Variants in LRRC7 observed in about 807,000 individuals in gnomAD.
The protein encoded by LRRC7 is leucine rich repeat containing 7.
In LRRC7, 23 loss-of-function variants were observed where a neutral mutation model predicts 175.7. The observed-to-expected ratio is 0.13, with a 90% CI of 0.09 to 0.19. LRRC7 has a LOEUF of 0.19. Ranked by LOEUF, LRRC7 falls within the 10% of genes least tolerant of loss-of-function variation. The pLI, the probability that LRRC7 is intolerant of heterozygous loss-of-function variation, is 1.00. For synonymous variants in LRRC7, 685 were observed against 680.9 expected (o/e 1.01, Z -0.09); for missense variants, 1,354 against 1,904.7 (o/e 0.71, Z 5.38).
intron 1 of LRRC7, among the ~76,000 whole-genome samples, chr1:69,569,874 T>C (rs1340314020): frequency 7.2e-6 from 1 of 138,408 alleles, no homozygotes. Context: ...GACTCCCACG[T>C]TCCTTTCGAA....
In LRRC7 at chr1:69,799,719, A is replaced by C. The variant is rs568492857; in HGVS notation, c.421+7559A>C. ...GTTGATTATTTATTTGACTGTACAGAGGCTTTTTAGTTTAATTGTCTCAAT... is the reference window on the plus strand; with the variant it reads ...GTTGATTATTTATTTGACTGTACAGCGGCTTTTTAGTTTAATTGTCTCAAT... On this transcript the variant is annotated intron_variant, in intron 4 of 26. Coordinates refer to ENST00000651989, the MANE Select transcript of LRRC7 (RefSeq NM_001370785.2). Among the ~76,000 whole-genome samples the C allele has an allele frequency of 3.3e-5, 5 of 152,146 alleles. No individual in the cohort carries two copies. In the South Asian group the frequency reaches 1.0e-3, roughly 32 times the overall value.
intron 1 of LRRC7, among the ~76,000 whole-genome samples, chr1:69,678,028 T>C (rs1274215456): frequency 2.0e-5 from 3 of 152,116 alleles, no homozygotes; most frequent in African/African-American, 7.2e-5. Context: ...TAACCTCCTC[T>C]AAAACTAATT....
rs551356696 is a variant in LRRC7, at chr1:69,651,604, A to G, written c.3-26777A>G. 2.0e-5 allele frequency among the ~76,000 whole-genome samples: 3 copies of G among 152,292 alleles called. No individual in the cohort carries two copies. The East Asian group carries it at 5.8e-4, about 29-fold the overall frequency. On this transcript the variant is annotated intron_variant, in intron 1 of 26. Transcript: ENST00000651989. ...TAAGCAATAATACATGGAGCAAAAT[A>G]CCTTTATGAGAATTCCAGAATCCAA... is the stretch of plus-strand genomic sequence containing the variant.
intron 1 of LRRC7, among the ~76,000 whole-genome samples, chr1:69,598,882 T>G (rs1361613): frequency 0.15 from 23,022 of 152,218 alleles, 1,918 homozygotes; most frequent in Admixed American, 0.19. Context: ...ATTCACTTTG[T>G]TCCCATTTGA....
intron 5 of LRRC7, among the ~76,000 whole-genome samples, chr1:69,829,510 A>C (rs542690247): frequency 6.6e-6 from 1 of 151,988 alleles, no homozygotes; most frequent in African/African-American, 2.4e-5. Flanking sequence ...TGTAAAATTA[A>C]TTAATGTTAA....
chr1:69,914,598 T>C (rs1467527064), intron 7 of LRRC7, among the ~76,000 whole-genome samples: 3 of 152,156 alleles, frequency 2.0e-5, no homozygotes, highest in Admixed American at 6.6e-5. Context: ...CAAATATAAA[T>C]AGTTATCTAG....
At chr1:69,919,446 C>T (rs1439153058) in intron 7 of LRRC7, 8 of 968,186 alleles carry the variant, frequency 8.3e-6, no homozygotes, top group Non-Finnish European at 1.3e-5. Context: ...ACATCACTAA[C>T]CCCAGCCAGT....
intron 4 of LRRC7, among the ~76,000 whole-genome samples, chr1:69,812,956 A>G (rs934709380): frequency 3.3e-5 from 5 of 152,104 alleles, no homozygotes; most frequent in Admixed American, 1.3e-4. Context: ...CTGAGTTTCC[A>G]TTGTTTTCCT....
Position 70,121,985 on chromosome 1 carries a change from G to T in LRRC7, c.*98G>T. On this transcript the variant is annotated 3_prime_UTR_variant, in exon 27 of 27. Transcript: ENST00000651989. ...AATTTTGCCAATTGCTGGACCAATG[G>T]CAAACATTAGTGCCAAATGTATAAT... The T allele has an allele frequency of 1.3e-6, 1 of 745,318 alleles. No individual in the cohort carries two copies. The highest frequency in any genetic ancestry group is 2.3e-6 in the Non-Finnish European group (1 of 427,902). 46.2% of individuals were successfully genotyped at this position (745,318 alleles called of 1,614,324 possible).
intron 1 of LRRC7, among the ~76,000 whole-genome samples, chr1:69,606,444 A>G (rs531996266): frequency 6.6e-6 from 1 of 152,244 alleles, no homozygotes; most frequent in African/African-American, 2.4e-5. Context: ...CTATCTTCAA[A>G]AATCATTCAC....
At chr1:69,853,666 A>G (rs187714011) in intron 7 of LRRC7, among the ~76,000 whole-genome samples, 1 of 152,280 alleles carries the variant, frequency 6.6e-6, no homozygotes, top group African/African-American at 2.4e-5. Flanking sequence ...GAAACGTGAA[A>G]GAGTCTAATG....
At chr1:69,923,509 T>C (rs1179555070) in intron 7 of LRRC7, among the ~76,000 whole-genome samples, 1 of 152,182 alleles carries the variant, frequency 6.6e-6, no homozygotes, top group East Asian at 1.9e-4. Flanking sequence ...TGATTGCCAT[T>C]CTAACTGGTG....
intron 23 of LRRC7, among the ~76,000 whole-genome samples, chr1:70,068,752 T>C (rs1254933334): frequency 6.6e-6 from 1 of 152,208 alleles, no homozygotes; most frequent in Non-Finnish European, 1.5e-5. Flanking sequence ...AGTCTCATTC[T>C]GTTGCCTAGG....
intron 2 of LRRC7, among the ~76,000 whole-genome samples, chr1:69,737,048 A>G (rs1668192929): frequency 6.6e-6 from 1 of 152,102 alleles, no homozygotes; most frequent in Non-Finnish European, 1.5e-5. Context: ...ATTGGTTTAC[A>G]TATAGCCCAA....
intron 19 of LRRC7, 62 bp downstream of exon 19, chr1:70,036,294 G>C: frequency 6.9e-7 from 1 of 1,458,338 alleles, no homozygotes; most frequent in Non-Finnish European, 9.5e-7. Flanking sequence ...TGAATCGCCA[G>C]TTGTAAATTA....
intron 7 of LRRC7, among the ~76,000 whole-genome samples, chr1:69,918,590 A>G (rs1048264315): frequency 7.9e-5 from 12 of 152,292 alleles, no homozygotes; most frequent in Middle Eastern, 3.4e-3. Flanking sequence ...GGGTAAGTGA[A>G]GACAGTCAAA....
In LRRC7 at chr1:69,842,515, A is replaced by C. The variant is rs75714569; in HGVS notation, c.647+4232A>C. ...TGATGCACAAGGCATGAAACATGATACCTCACTTTGCTGTCATATACACTG... is the reference window on the plus strand; with the variant it reads ...TGATGCACAAGGCATGAAACATGATCCCTCACTTTGCTGTCATATACACTG... On this transcript the variant is annotated intron_variant, in intron 7 of 26. Transcript: ENST00000651989. Among the ~76,000 whole-genome samples, 595 of 152,304 alleles carry C rather than the reference A, an allele frequency of 3.9e-3. 3 individuals carry two copies. The highest frequency in any genetic ancestry group is 0.013 in the African/African-American group (551 of 41,576).
intron 1 of LRRC7, among the ~76,000 whole-genome samples, chr1:69,675,271 G>A (rs1009377342): frequency 2.6e-5 from 4 of 152,080 alleles, no homozygotes; most frequent in East Asian, 1.9e-4. Context: ...AATAGTAATC[G>A]TTTAAATCCT....
intron 4 of LRRC7, among the ~76,000 whole-genome samples, chr1:69,812,726 A>G (rs1678067710): frequency 6.6e-6 from 1 of 152,174 alleles, no homozygotes; most frequent in Non-Finnish European, 1.5e-5. Context: ...TGTAAAATTC[A>G]GAAAACATAA....
Sources: allele counts gnomAD v4.1 joint callset (sites outside exome capture counted in the v4.1 genomes callset), GRCh38; gene constraint gnomAD v4.1.1; transcripts MANE v1.5; gene names NCBI Gene and HGNC (gene_info 2026-07-23, HGNC 2026-07-21).